The following ENTREP2 variants were observed in gnomAD, a reference collection of about 807,000 sequenced individuals.
ENTREP2 encodes protein ENTREP2.
At chr15:29,364,291 G>C in the ENTREP2 span, among the ~76,000 whole-genome samples, 1 of 152,186 alleles carries the variant, frequency 6.6e-6, no homozygotes, top group African/African-American at 2.4e-5. Flanking sequence ...TTAAGAGCCA[G>C]TTGGCCTGGG....
At chr15:29,238,731 A>G in the ENTREP2 span, among the ~76,000 whole-genome samples, 1 of 152,208 alleles carries the variant, frequency 6.6e-6, no homozygotes, top group African/African-American at 2.4e-5. Flanking sequence ...GGAGCTTCCA[A>G]TCATGGCAGA....
At chr15:29,234,142 A>T in the ENTREP2 span, 1 of 1,560,812 alleles carries the variant, frequency 6.4e-7, no homozygotes, top group East Asian at 2.2e-5. Context: ...TCTGCTCTCC[A>T]TGTCATTCTC....
the ENTREP2 span, among the ~76,000 whole-genome samples, chr15:29,639,177 T>A: frequency 6.6e-6 from 1 of 152,242 alleles, no homozygotes; most frequent in African/African-American, 2.4e-5. Context: ...CACGGCTCTC[T>A]AAATTTCTGC....
chr15:29,480,896 G>A, the ENTREP2 span, among the ~76,000 whole-genome samples: 2 of 152,196 alleles, frequency 1.3e-5, no homozygotes, highest in Non-Finnish European at 2.9e-5. Flanking sequence ...ATGGGAAGGA[G>A]GTGAGGTGGC....
At chr15:29,239,438 A>G in the ENTREP2 span, among the ~76,000 whole-genome samples, 1 of 152,192 alleles carries the variant, frequency 6.6e-6, no homozygotes, top group African/African-American at 2.4e-5. Context: ...GAAGGCAGCA[A>G]TCAGTTTCCA....
the ENTREP2 span, among the ~76,000 whole-genome samples, chr15:29,492,863 G>T: frequency 1.3e-5 from 2 of 151,674 alleles, no homozygotes; most frequent in African/African-American, 4.8e-5. Context: ...AATTAGCCAG[G>T]CGTGGTGGCG....
chr15:29,654,234 G>A, the ENTREP2 span, among the ~76,000 whole-genome samples: 76 of 152,020 alleles, frequency 5.0e-4, 1 homozygote, highest in East Asian at 7.2e-3. Flanking sequence ...TGTGACTAAC[G>A]GTAAAATTGT....
chr15:29,180,182 G>A, the ENTREP2 span, among the ~76,000 whole-genome samples: 1 of 152,126 alleles, frequency 6.6e-6, no homozygotes. Context: ...TAGAAGAGCT[G>A]AACGTGCCAG....
At chr15:29,251,541 A>AT in the ENTREP2 span, among the ~76,000 whole-genome samples, 119 of 150,840 alleles carry the variant, frequency 7.9e-4, 1 homozygote, top group Admixed American at 1.4e-3. Context: ...TTTGTGACTT[A>AT]TTTTTTTTTA....
At chr15:29,560,779 T>C in the ENTREP2 span, among the ~76,000 whole-genome samples, 1 of 151,894 alleles carries the variant, frequency 6.6e-6, no homozygotes, top group African/African-American at 2.4e-5. Flanking sequence ...GTTCAACATG[T>C]CCCACAGCAA....
At chr15:29,158,679 A>G in the ENTREP2 span, among the ~76,000 whole-genome samples, 1 of 152,018 alleles carries the variant, frequency 6.6e-6, no homozygotes, top group Admixed American at 6.5e-5. Context: ...TGAAATCCAC[A>G]TTCTATAAAA....
At chr15:29,326,518 T>A in the ENTREP2 span, among the ~76,000 whole-genome samples, 1 of 152,040 alleles carries the variant, frequency 6.6e-6, no homozygotes, top group Non-Finnish European at 1.5e-5. Context: ...AAAATATGTA[T>A]AAGAACTATA....
At chr15:29,605,547 G>A in the ENTREP2 span, among the ~76,000 whole-genome samples, 1 of 152,086 alleles carries the variant, frequency 6.6e-6, no homozygotes, top group Non-Finnish European at 1.5e-5. Context: ...AATAAAATGT[G>A]GATTCAGGGC....
the ENTREP2 span, among the ~76,000 whole-genome samples, chr15:29,244,352 G>T: frequency 1.3e-5 from 2 of 152,202 alleles, no homozygotes; most frequent in Non-Finnish European, 2.9e-5. Flanking sequence ...AACCCATTAG[G>T]AGCAATCCTG....
chr15:29,170,238 G>A, the ENTREP2 span, among the ~76,000 whole-genome samples: 201 of 149,146 alleles, frequency 1.3e-3, 1 homozygote, highest in African/African-American at 4.7e-3. Context: ...AACCCGGGAG[G>A]TGGAGCTTGC....
chr15:29,268,044 C>A, the ENTREP2 span: 4 of 152,296 alleles, frequency 2.6e-5, no homozygotes, highest in Middle Eastern at 3.4e-3. Flanking sequence ...AGTGAAACAA[C>A]TTCTACAAAA....
chr15:29,281,413 A>G, the ENTREP2 span, among the ~76,000 whole-genome samples: 96,309 of 151,944 alleles, frequency 0.63, 31,200 homozygotes, highest in Middle Eastern at 0.71. Context: ...GTATTTTTGG[A>G]GGCATCTGAG....
At chr15:29,462,930 AG>A in the ENTREP2 span, among the ~76,000 whole-genome samples, 1 of 152,208 alleles carries the variant, frequency 6.6e-6, no homozygotes, top group Non-Finnish European at 1.5e-5. Context: ...AATGAAGGGT[AG>A]GAAGTTCCAG....
chr15:29,378,029 A>G, the ENTREP2 span, among the ~76,000 whole-genome samples: 2 of 151,776 alleles, frequency 1.3e-5, no homozygotes, highest in African/African-American at 4.8e-5. Flanking sequence ...AATGTAAGTC[A>G]TGTGATACCT....
Sources: gnomAD v4.1 joint callset for allele counts (sites outside exome capture counted in the v4.1 genomes callset) on GRCh38, gnomAD v4.1.1 for gene constraint, MANE v1.5 for transcripts, NCBI Gene and HGNC (gene_info 2026-07-23, HGNC 2026-07-21) for gene names.